The following STAG1 variants were observed in gnomAD, a reference collection of about 807,000 sequenced individuals.
STAG1 encodes STAG1 cohesin complex component.
Under a neutral mutation model 170.9 loss-of-function variants are expected in STAG1, and 26 were observed. That is an observed-to-expected ratio of 0.15 (90% CI 0.11 to 0.21). The LOEUF (loss-of-function observed/expected upper bound fraction) is 0.21. STAG1 is among the 10% of genes least tolerant of loss of function. STAG1 has a pLI of 1.00. For synonymous variants in STAG1, 514 were observed against 497.7 expected (o/e 1.03, Z -0.44); for missense variants, 964 against 1,509.5 (o/e 0.64, Z 5.99).
At chr3:136,372,036 C>A (rs1188302273) in intron 23 of STAG1, among the ~76,000 whole-genome samples, 1 of 152,120 alleles carries the variant, frequency 6.6e-6, no homozygotes, top group Non-Finnish European at 1.5e-5. Context: ...TTTCATTGAG[C>A]AGTGGTTTGT....
chr3:136,489,837 C>T (rs539505011), intron 9 of STAG1, among the ~76,000 whole-genome samples: 1 of 152,130 alleles, frequency 6.6e-6, no homozygotes, highest in South Asian at 2.1e-4. Context: ...TTAGCGAGTG[C>T]TGAAAGTTAG....
chr3:136,485,323 G>C (rs1293114910), intron 9 of STAG1, among the ~76,000 whole-genome samples: 1 of 152,036 alleles, frequency 6.6e-6, no homozygotes, highest in Non-Finnish European at 1.5e-5. Flanking sequence ...TGGGCGTGGT[G>C]GTGGGCACCT....
intron 5 of STAG1, among the ~76,000 whole-genome samples, chr3:136,547,855 C>T (rs1025121373): frequency 1.3e-5 from 2 of 152,192 alleles, no homozygotes; most frequent in African/African-American, 2.4e-5. Flanking sequence ...TCAGGTCTTA[C>T]GTTTAATTGT....
intron 8 of STAG1, among the ~76,000 whole-genome samples, chr3:136,500,507 C>A (rs1933407644): frequency 6.6e-6 from 1 of 152,134 alleles, no homozygotes; most frequent in East Asian, 1.9e-4. Context: ...CTGTCTCTCT[C>A]TAGACACAAA....
Position 136,504,612 on chromosome 3 carries a change from A to G in STAG1, c.677-1833T>C, listed in dbSNP as rs572004140. ...CATTCCAACTACTCAAGCTGATAAT[A>G]CTAGTTTATCAGTGTTTGTTATGAG... is the stretch of plus-strand genomic sequence containing the variant. On this transcript the variant is annotated intron_variant, in intron 7 of 33. Transcript: ENST00000383202. 2.6e-5 allele frequency among the ~76,000 whole-genome samples: 4 copies of G among 152,308 alleles called. No homozygotes were observed. The East Asian group carries it at 7.7e-4, about 29-fold the overall frequency.
intron 1 of STAG1, among the ~76,000 whole-genome samples, chr3:136,742,698 G>C: frequency 6.8e-6 from 1 of 146,840 alleles, no homozygotes; most frequent in African/African-American, 2.5e-5. Flanking sequence ...CTGGGTGACA[G>C]AGCAAGACTC....
intron 1 of STAG1, among the ~76,000 whole-genome samples, chr3:136,651,396 A>T (rs954676413): frequency 1.3e-5 from 2 of 149,324 alleles, no homozygotes; most frequent in Non-Finnish European, 3.0e-5. Context: ...AAAAAAAAAG[A>T]ATCATGTAAA....
intron 2 of STAG1, among the ~76,000 whole-genome samples, chr3:136,627,330 T>C (rs1013103555): frequency 1.3e-5 from 2 of 152,206 alleles, no homozygotes; most frequent in Non-Finnish European, 2.9e-5. Context: ...ATCCTAACTC[T>C]GAATCCCATC....
chr3:136,460,704 C>T (rs1362152896), intron 13 of STAG1, among the ~76,000 whole-genome samples: 3 of 151,774 alleles, frequency 2.0e-5, no homozygotes, highest in Admixed American at 6.6e-5. Context: ...AAAAAAAGCC[C>T]GGTACCTGAT....
chr3:136,702,683 G>A (rs1227415512), intron 1 of STAG1, among the ~76,000 whole-genome samples: 2 of 152,274 alleles, frequency 1.3e-5, no homozygotes, highest in East Asian at 3.9e-4. Context: ...ACCATGCCCT[G>A]CCTCACTTAC....
At chr3:136,528,624 A>T (rs1428197459) in intron 6 of STAG1, among the ~76,000 whole-genome samples, 1 of 151,774 alleles carries the variant, frequency 6.6e-6, no homozygotes, top group East Asian at 1.9e-4. Context: ...TCAGCATATA[A>T]ACCAAAAATT....
chr3:136,507,550 A>G (rs1262807828), intron 7 of STAG1, among the ~76,000 whole-genome samples: 2 of 151,948 alleles, frequency 1.3e-5, no homozygotes, highest in African/African-American at 4.8e-5. Flanking sequence ...ATTTTTTTGT[A>G]GAGATGGGGG....
chr3:136,529,631 T>C, intron 6 of STAG1, among the ~76,000 whole-genome samples: 1 of 152,160 alleles, frequency 6.6e-6, no homozygotes, highest in East Asian at 1.9e-4. Flanking sequence ...AGATCTGTTC[T>C]ACACAAAAAA....
chr3:136,348,484 C>CT (rs1406537026), intron 29 of STAG1, among the ~76,000 whole-genome samples: 3 of 152,142 alleles, frequency 2.0e-5, no homozygotes, highest in African/African-American at 4.8e-5. Context: ...TCATAGCTCA[C>CT]TGCAACCTCA....
intron 3 of STAG1, among the ~76,000 whole-genome samples, chr3:136,611,571 C>A (rs1041189589): frequency 6.6e-6 from 1 of 151,498 alleles, no homozygotes; most frequent in African/African-American, 2.4e-5. Flanking sequence ...TCACAGCTCA[C>A]TGCAACCTCC....
chr3:136,586,677 TAAAC>T (rs780200176), intron 4 of STAG1: 10 of 304,116 alleles, frequency 3.3e-5, no homozygotes, highest in Non-Finnish European at 5.9e-5. Flanking sequence ...TTGGAGAAAT[TAAAC>T]AAAAGCAAAA....
rs71157389 is a variant in STAG1 at position 136,498,249 on chromosome 3, T to TACAC, written c.902+1970_902+1973dup. On this transcript the variant is annotated intron_variant, in intron 9 of 33. Transcript: ENST00000383202. ...ATATATATATACACATACATATACA[T>TACAC]ACACACACACACACACACACACACC... 2.5e-3 allele frequency among the ~76,000 whole-genome samples: 187 copies of TACAC among 73,674 alleles called. 3 individuals are homozygous for TACAC. Among genetic ancestry groups the TACAC allele is most frequent in the East Asian group, 0.025 (45 of 1,804 alleles). 48.3% of individuals were successfully genotyped at this position (73,674 alleles called of 152,430 possible). A position where few individuals can be genotyped will look rare whatever the true frequency, so the allele number is the denominator to read the frequency against.
chr3:136,566,296 C>T (rs1937073336), intron 5 of STAG1, among the ~76,000 whole-genome samples: 1 of 152,114 alleles, frequency 6.6e-6, no homozygotes, highest in Non-Finnish European at 1.5e-5. Flanking sequence ...CTCTTTTTGC[C>T]ATGTAAGGGT....
intron 29 of STAG1, among the ~76,000 whole-genome samples, chr3:136,346,373 T>C (rs577006821): frequency 1.8e-4 from 27 of 152,364 alleles, no homozygotes; most frequent in Admixed American, 1.1e-3. Context: ...TGAAAATATT[T>C]CTTTTAATAC....
Sources: gnomAD v4.1 joint callset for allele counts (sites outside exome capture counted in the v4.1 genomes callset) on GRCh38, gnomAD v4.1.1 for gene constraint, MANE v1.5 for transcripts, NCBI Gene and HGNC (gene_info 2026-07-23, HGNC 2026-07-21) for gene names.